The following SH3TC2 variants were observed in gnomAD, a reference collection of about 807,000 sequenced individuals.
The protein encoded by SH3TC2 is SH3 domain and tetratricopeptide repeats 2.
In SH3TC2, 87 loss-of-function variants were observed where a neutral mutation model predicts 124.5. That is an observed-to-expected ratio of 0.70 (90% confidence interval 0.59 to 0.84). The LOEUF is 0.84. Among genes scored for constraint, SH3TC2 ranks in the 40% least tolerant of loss-of-function variants. The pLI, the probability that SH3TC2 is intolerant of heterozygous loss-of-function variation, is 0.00. For missense variants in SH3TC2, 1,536 were observed against 1,566.4 expected (o/e 0.98, Z 0.33); for synonymous variants, 634 against 628.5 (o/e 1.01, Z -0.13).
At position 148,988,623 on chromosome 5, in the gene SH3TC2, T is replaced by A. The variant is rs1237271259; in HGVS notation, c.*16088A>T. Among the ~76,000 whole-genome samples, 2 of 152,146 alleles carry A rather than the reference T, an allele frequency of 1.3e-5. No homozygotes were observed. Among genetic ancestry groups the A allele is most frequent in the African/African-American group, 4.8e-5 (2 of 41,434 alleles). The stretch of plus-strand genomic sequence containing the variant: ...CTGAGCTCCCAACCAACTGCAAGCA[T>A]CAACTGTTAGCCCCGTGAGGAAGCC... On this transcript the variant is annotated 3_prime_UTR_variant, in exon 17 of 17. Coordinates refer to ENST00000515425, the MANE Select transcript of SH3TC2 (RefSeq NM_024577.4).
rs950235158 is a variant in SH3TC2 at position 149,001,638 on chromosome 5, A to G, written c.*3073T>C. On this transcript the variant is annotated 3_prime_UTR_variant, in exon 17 of 17. Transcript: ENST00000515425. ...TTAAAAGAGTTTTAGCAAGCGGTTTACATATAGAATGTAGTAATTGCAATT... is the reference window on the plus strand; with the variant it reads ...TTAAAAGAGTTTTAGCAAGCGGTTTGCATATAGAATGTAGTAATTGCAATT... The G allele has an allele frequency of 2.6e-5, 4 of 152,366 alleles. No individual in the cohort carries two copies. In the East Asian group the frequency reaches 7.7e-4, roughly 29 times the overall value. The allele number at this position is 152,366 out of a possible 1,614,324, so 9.4% of individuals were successfully genotyped here.
chr5:149,024,102 A>G (rs1403894434), intron 12 of SH3TC2, among the ~76,000 whole-genome samples: 1 of 152,130 alleles, frequency 6.6e-6, no homozygotes, highest in Non-Finnish European at 1.5e-5. Context: ...CTTGTCACTA[A>G]AGACCAAAAA....
chr5:149,038,637 T>A, intron 7 of SH3TC2, 147 bp from the exon 8 acceptor site: 1 of 835,374 alleles, frequency 1.2e-6, no homozygotes, highest in East Asian at 2.6e-5. Flanking sequence ...ACCCAAAAAT[T>A]GGCAGGAATG....
At chr5:149,060,686 T>G (rs1412662336) in intron 1 of SH3TC2, among the ~76,000 whole-genome samples, 2 of 152,116 alleles carry the variant, frequency 1.3e-5, no homozygotes, top group Non-Finnish European at 2.9e-5. Flanking sequence ...AGTAAGGAAT[T>G]AGGAGGAAGT....
At chr5:149,006,557 A>G (rs1038487114) in intron 16 of SH3TC2, among the ~76,000 whole-genome samples, 2 of 152,164 alleles carry the variant, frequency 1.3e-5, no homozygotes, top group Non-Finnish European at 2.9e-5. Flanking sequence ...ATATTTCCAT[A>G]GGCCCTTGAG....
chr5:149,022,991 C>A (rs1026771242), intron 12 of SH3TC2, among the ~76,000 whole-genome samples: 1 of 152,150 alleles, frequency 6.6e-6, no homozygotes, highest in Admixed American at 6.5e-5. Context: ...TGTGAATATA[C>A]TGAAAACTAA....
chr5:149,012,637 C>T lies in SH3TC2; in HGVS notation c.3151G>A (p.Gly1051Arg), dbSNP rs1304408562. ...DKAAEAWLGA[G>R]RLHYLMQEDE... ...TCCTGCATGAGGTAGTGGAGTCGCCCCGCCCCAAGCCAGGCCTCAGCAGCC... is the reference window on the plus strand; with the variant it reads ...TCCTGCATGAGGTAGTGGAGTCGCCTCGCCCCAAGCCAGGCCTCAGCAGCC... The change falls in exon 13 of 17, where the codon GGG (glycine) becomes AGG (arginine). Residue 1051 changes from glycine to arginine, a missense_variant. By Grantham distance (125) the Gly-to-Arg change is moderately radical (BLOSUM62 -2). This residue lies in a region of SH3TC2 where 426 missense variants were observed against 443.5 expected (regional missense o/e 0.96). Transcript: ENST00000515425. The T allele has an allele frequency of 6.2e-7, 1 of 1,614,154 alleles. No homozygotes were observed. The highest frequency in any genetic ancestry group is 1.1e-5 in the South Asian group (1 of 91,080).
chr5:149,025,877 A>G (rs1754054427), intron 12 of SH3TC2: 1 of 152,396 alleles, frequency 6.6e-6, no homozygotes, highest in Non-Finnish European at 1.5e-5. Context: ...GTGCTGTTAC[A>G]TCATTTTGTC....
chr5:149,039,373 G>A (rs1269090077), intron 7 of SH3TC2, among the ~76,000 whole-genome samples: 1 of 152,208 alleles, frequency 6.6e-6, no homozygotes, highest in Admixed American at 6.5e-5. Flanking sequence ...GCAAAACTGA[G>A]TCTAGAGCTT....
At chr5:149,038,539 G>T in intron 7 of SH3TC2, 49 bp from the exon 8 acceptor site, 2 of 1,567,916 alleles carry the variant, frequency 1.3e-6, no homozygotes, top group South Asian at 2.2e-5. Context: ...GAACAGCTGA[G>T]CCTCCCATCA....
Position 149,028,082 on chromosome 5 carries a change from G to T in SH3TC2, c.1650C>A (p.Tyr550Ter). 4 of 1,614,092 alleles carry T rather than the reference G, an allele frequency of 2.5e-6. No individual in the cohort carries two copies. The highest frequency in any genetic ancestry group is 3.4e-6 in the Non-Finnish European group (4 of 1,180,038). ...RKVKLSQARV[Y>*]FEEAIHILNG... ...TGAGAATGTGGATGGCCTCCTCGAA[G>T]TACACCCTGGCCTGAGAGAGTTTGA... Residue 550 changes from tyrosine to a stop codon, truncating the protein, a stop_gained, in exon 11 of 17, where the codon TAC (tyrosine) becomes TAA (stop). Transcript: ENST00000515425. LOFTEE classifies it high-confidence loss of function.
At chr5:149,005,646 A>G (rs909845263) in intron 16 of SH3TC2, among the ~76,000 whole-genome samples, 1 of 152,162 alleles carries the variant, frequency 6.6e-6, no homozygotes, top group Non-Finnish European at 1.5e-5. Flanking sequence ...CCCTCCCTAC[A>G]TGGTAAAGAT....
intron 12 of SH3TC2, among the ~76,000 whole-genome samples, chr5:149,025,110 C>G (rs1463918681): frequency 6.6e-6 from 1 of 152,088 alleles, no homozygotes; most frequent in African/African-American, 2.4e-5. Context: ...TAATTCAAGC[C>G]TGCCTTCTGG....
chr5:149,028,788 A>ATGCCTCCAGG, intron 9 of SH3TC2, 70 bp from the exon 10 acceptor site: 1 of 1,535,062 alleles, frequency 6.5e-7, no homozygotes. Context: ...CTCCAGGTGT[A>ATGCCTCCAGG]CCCCAGATCA....
chr5:149,047,560 T>A (rs767697243), intron 3 of SH3TC2: 6 of 378,796 alleles, frequency 1.6e-5, no homozygotes, highest in African/African-American at 6.2e-5. Flanking sequence ...ATGAGGTAGG[T>A]ATTATAACAA....
At chr5:149,018,315 T>C (rs1466139761) in intron 12 of SH3TC2, among the ~76,000 whole-genome samples, 1 of 152,108 alleles carries the variant, frequency 6.6e-6, no homozygotes, top group Admixed American at 6.5e-5. Context: ...CATATCTCCT[T>C]CTAGGGAAGA....
rs1423994208 is a variant in SH3TC2, at chr5:148,990,602, C to T, written c.*14109G>A. Among the ~76,000 whole-genome samples, 2 of 152,202 alleles carry T rather than the reference C, an allele frequency of 1.3e-5. No homozygotes were observed. The highest frequency in any genetic ancestry group is 2.9e-5 in the Non-Finnish European group (2 of 68,046). On this transcript the variant is annotated 3_prime_UTR_variant, in exon 17 of 17. Coordinates refer to ENST00000515425, the MANE Select transcript of SH3TC2 (RefSeq NM_024577.4). ...ATTGGACCTCAAACAAGTTACTGAA[C>T]TTCTCCAAGACCTTGTTTCCTCACC... is the stretch of plus-strand genomic sequence containing the variant.
At chr5:149,029,144 C>A (rs1360559556) in intron 9 of SH3TC2, among the ~76,000 whole-genome samples, 1 of 152,220 alleles carries the variant, frequency 6.6e-6, no homozygotes, top group Non-Finnish European at 1.5e-5. Flanking sequence ...CACGTGGGAG[C>A]ACATGGTGCT....
Position 149,028,376 on chromosome 5 carries a change from C to T in SH3TC2, c.1356G>A (p.Leu452=). 6.2e-7 allele frequency: 1 copy of T among 1,614,140 alleles called. No individual in the cohort carries two copies. The highest frequency in any genetic ancestry group is 8.5e-7 in the Non-Finnish European group (1 of 1,180,028). Residue 452 remains leucine, a synonymous_variant, in exon 11 of 17, where the codon CTG becomes CTA. Transcript: ENST00000515425. ...PEPDDLDDPE[L]LMDLSTGQEE... The stretch of plus-strand genomic sequence containing the variant: ...CCTGACCAGTGCTTAGGTCCATGAG[C>T]AGTTCCGGGTCATCAAGGTCATCAG...
Sources: allele counts gnomAD v4.1 joint callset (sites outside exome capture counted in the v4.1 genomes callset), GRCh38; gene constraint gnomAD v4.1.1; regional missense constraint gnomAD v4.1.1; transcripts MANE v1.5; gene names NCBI Gene and HGNC (gene_info 2026-07-23, HGNC 2026-07-21).